HOMER2: variants seen among roughly 807,000 people sequenced by gnomAD.
HOMER2 encodes the protein homer protein homolog 2.
Under a neutral mutation model 47.0 loss-of-function variants are expected in HOMER2, and 27 were observed. The observed-to-expected ratio is 0.57, with a 90% CI of 0.42 to 0.79. The LOEUF (loss-of-function observed/expected upper bound fraction) is 0.79. Ranked by LOEUF, HOMER2 falls within the 30% of genes least tolerant of loss-of-function variation. The pLI is 0.00. For synonymous variants in HOMER2, 161 were observed against 163.8 expected, an observed-to-expected ratio of 0.98 and a Z score of 0.13; for missense variants, 443 against 435.0, an observed-to-expected ratio of 1.02 and a Z score of -0.16.
chr15:82,850,034 A>T, intron 8 of HOMER2, 131 bp from the exon 9 acceptor site: 1 of 835,488 alleles, frequency 1.2e-6, no homozygotes, highest in Non-Finnish European at 1.9e-6. Flanking sequence ...CTGCCTAGAG[A>T]CATGCTACCC....
chr15:82,899,014 C>A (rs1033925299), intron 1 of HOMER2, among the ~76,000 whole-genome samples: 2 of 152,170 alleles, frequency 1.3e-5, no homozygotes, highest in Admixed American at 1.3e-4. Flanking sequence ...CTACACCAAC[C>A]GACAGGTCTT....
At chr15:82,978,998 C>T (rs557361801) in intron 1 of HOMER2, among the ~76,000 whole-genome samples, 11 of 152,290 alleles carry the variant, frequency 7.2e-5, no homozygotes, top group East Asian at 3.9e-4. Context: ...GGATTACAGG[C>T]GTAAGCCACT....
intron 1 of HOMER2, among the ~76,000 whole-genome samples, chr15:82,983,835 G>T (rs776619484): frequency 6.6e-6 from 1 of 151,564 alleles, no homozygotes; most frequent in African/African-American, 2.4e-5. Flanking sequence ...CAAGTGATCC[G>T]CCTGCCTCGG....
rs1168019499 is a variant in HOMER2, at chr15:82,849,597, A to G, written c.*118T>C. 1.2e-6 allele frequency: 1 copy of G among 850,546 alleles called. No homozygotes were observed. Among genetic ancestry groups the G allele is most frequent in the African/African-American group, 1.7e-5 (1 of 58,572 alleles). 52.7% of individuals were successfully genotyped at this position (850,546 alleles called of 1,614,324 possible). A position where few individuals can be genotyped will look rare whatever the true frequency, so the allele number is the denominator to read the frequency against. On this transcript the variant is annotated 3_prime_UTR_variant, in exon 9 of 9. Coordinates refer to ENST00000450735, the MANE Select transcript of HOMER2 (RefSeq NM_004839.4). ...GAGTGGACGGCACAACTGGTTTGGAAACACGACAAACTGCGCCTGCATTTA... is the reference window on the plus strand; with the variant it reads ...GAGTGGACGGCACAACTGGTTTGGAGACACGACAAACTGCGCCTGCATTTA...
intron 2 of HOMER2, among the ~76,000 whole-genome samples, chr15:82,879,684 T>G (rs1263245959): frequency 6.6e-6 from 1 of 152,212 alleles, no homozygotes; most frequent in Non-Finnish European, 1.5e-5. Flanking sequence ...TCCTGATGGT[T>G]GCTGACTGAT....
At chr15:82,974,703 T>C (rs79730402) in intron 1 of HOMER2, among the ~76,000 whole-genome samples, 87 of 152,328 alleles carry the variant, frequency 5.7e-4, no homozygotes, top group African/African-American at 2.0e-3. Context: ...TCTTGGAGTC[T>C]GTCTCTGAAG....
At chr15:82,881,670 T>C (rs904287572) in intron 2 of HOMER2, among the ~76,000 whole-genome samples, 3 of 152,236 alleles carry the variant, frequency 2.0e-5, no homozygotes, top group African/African-American at 4.8e-5. Context: ...AGAGCCTGAA[T>C]GTGTTCCTGA....
rs1056826239 is a variant in HOMER2 at position 82,861,415 on chromosome 15, A to T, written c.388-2280T>A. Among the ~76,000 whole-genome samples the T allele has an allele frequency of 3.3e-5, 5 of 152,388 alleles. No individual in the cohort carries two copies. The East Asian group carries it at 7.7e-4, about 23-fold the overall frequency. The stretch of plus-strand genomic sequence containing the variant: ...GGAATAATCATGACATAAAGTTAAA[A>T]GGTATAATATAAAATATATCCTGGA... On this transcript the variant is annotated intron_variant, in intron 4 of 8. Coordinates refer to ENST00000450735, the MANE Select transcript of HOMER2 (RefSeq NM_004839.4).
intron 1 of HOMER2, among the ~76,000 whole-genome samples, chr15:82,976,337 G>A (rs193009243): frequency 1.1e-4 from 16 of 151,864 alleles, no homozygotes; most frequent in African/African-American, 2.2e-4. Context: ...CCGCTCTGTC[G>A]CCCAGGCTGG....
chr15:82,868,519 T>TA (rs2151644520), intron 3 of HOMER2, among the ~76,000 whole-genome samples: 1 of 27,982 alleles, frequency 3.6e-5, no homozygotes, highest in South Asian at 3.3e-3. Context: ...ATCACTTATT[T>TA]ATTTTATATA....
At chr15:82,880,772 G>A (rs780309708) in intron 2 of HOMER2, among the ~76,000 whole-genome samples, 1 of 152,136 alleles carries the variant, frequency 6.6e-6, no homozygotes, top group African/African-American at 2.4e-5. Flanking sequence ...AGGGGTCACC[G>A]GGTGGAGAGT....
At chr15:82,853,958 T>G (rs1172795894) in intron 6 of HOMER2, among the ~76,000 whole-genome samples, 1 of 152,128 alleles carries the variant, frequency 6.6e-6, no homozygotes. Flanking sequence ...ATCTCCCAAG[T>G]CTGTTTCTCA....
chr15:82,852,204 TCTC>T lies in HOMER2; in HGVS notation c.697_699del (p.Glu233del). The T allele has an allele frequency of 6.2e-7, 1 of 1,613,980 alleles. No homozygotes were observed. The highest frequency in any genetic ancestry group is 8.5e-7 in the Non-Finnish European group (1 of 1,179,876). Reference sequence around the variant, plus strand: ...ATCCTCCTCTTCAGCTGCGTGTTCTTCTCCTTCTCTCTGTTGATCTCACTGCAT... The same window carrying T: ...ATCCTCCTCTTCAGCTGCGTGTTCTTCTTCTCTCTGTTGATCTCACTGCAT... On this transcript the variant is annotated inframe_deletion, in exon 7 of 9. Transcript: ENST00000450735.
At chr15:82,946,503 G>A (rs1034035617) in intron 1 of HOMER2, among the ~76,000 whole-genome samples, 4 of 151,956 alleles carry the variant, frequency 2.6e-5, no homozygotes, top group Admixed American at 6.6e-5. Flanking sequence ...CCTGCTGTTC[G>A]CACTATTCAC....
At chr15:82,861,021 GAAA>G (rs369649346) in intron 4 of HOMER2, among the ~76,000 whole-genome samples, 1 of 143,420 alleles carries the variant, frequency 7.0e-6, no homozygotes, top group Non-Finnish European at 1.5e-5. Flanking sequence ...GAAAACAAAA[GAAA>G]AAAAGAGAAG....
intron 7 of HOMER2, among the ~76,000 whole-genome samples, chr15:82,851,798 G>T (rs1351044691): frequency 6.6e-6 from 1 of 152,184 alleles, no homozygotes; most frequent in East Asian, 1.9e-4. Flanking sequence ...TTTTAAAAAA[G>T]AAAATAAGTG....
intron 4 of HOMER2, among the ~76,000 whole-genome samples, chr15:82,859,392 C>T (rs996953887): frequency 6.6e-6 from 1 of 151,908 alleles, no homozygotes; most frequent in African/African-American, 2.4e-5. Flanking sequence ...CTGAAGAGAC[C>T]ATGTGGAGTT....
chr15:82,944,265 T>C (rs2054325659), intron 1 of HOMER2, among the ~76,000 whole-genome samples: 1 of 152,098 alleles, frequency 6.6e-6, no homozygotes, highest in African/African-American at 2.4e-5. Flanking sequence ...CGCACCCCGC[T>C]AGGAAACTGG....
At chr15:82,836,172 CTTTTCCTGCT>C (rs905828384), downstream of HOMER2, 5 of 151,028 alleles carry the variant, frequency 3.3e-5, no homozygotes, top group African/African-American at 1.2e-4. Flanking sequence ...TCCTTTCTCC[CTTTTCCTGCT>C]TTTTCCAGCC....
Sources: allele counts gnomAD v4.1 joint callset (sites outside exome capture counted in the v4.1 genomes callset), GRCh38; gene constraint gnomAD v4.1.1; transcripts MANE v1.5; gene names NCBI Gene and HGNC (gene_info 2026-07-23, HGNC 2026-07-21).